Variants in C6orf58 observed in about 807,000 individuals in gnomAD.
C6orf58 encodes the protein protein LEG1 homolog.
C6orf58 carries 30 observed loss-of-function variants against 37.0 expected under a neutral mutation model. That is an observed-to-expected ratio of 0.81 (90% CI 0.61 to 1.10). The LOEUF is 1.10. Among genes scored for constraint, C6orf58 ranks in the 50% least tolerant of loss-of-function variants. The pLI, the probability that C6orf58 is intolerant of heterozygous loss-of-function variation, is 0.00. For synonymous variants in C6orf58, 143 were observed against 134.1 expected, an observed-to-expected ratio of 1.07 and a Z score of -0.46; for missense variants, 368 against 387.5, an observed-to-expected ratio of 0.95 and a Z score of 0.42.
chr6:127,577,347 C>T lies in C6orf58; in HGVS notation c.162C>T (p.Pro54=). The change falls in exon 1 of 6, where the codon CCC becomes CCT. Residue 54 remains proline, a synonymous_variant. Transcript: ENST00000329722. ...RVENSMYIIN[P]WVYLERMGMY... ...AGAACAGCATGTACATTATTAATCC[C>T]TGGGTATACCTTGAGAGAATGGGGA... The T allele has an allele frequency of 6.2e-7, 1 of 1,613,696 alleles. No individual in the cohort carries two copies. The highest frequency in any genetic ancestry group is 8.5e-7 in the Non-Finnish European group (1 of 1,179,704).
At chr6:127,584,115 C>T (rs558620943) in intron 4 of C6orf58, among the ~76,000 whole-genome samples, 1 of 152,292 alleles carries the variant, frequency 6.6e-6, no homozygotes, top group Non-Finnish European at 1.5e-5. Flanking sequence ...CCTATAAGGA[C>T]ATTTTCTAAT....
intron 2 of C6orf58, 71 bp downstream of exon 2, chr6:127,578,843 G>A: frequency 1.8e-6 from 2 of 1,118,192 alleles, no homozygotes; most frequent in South Asian, 1.3e-5. Context: ...TAAAATCTTA[G>A]GGACAGAGAC....
intron 4 of C6orf58, among the ~76,000 whole-genome samples, chr6:127,589,080 G>A (rs947177182): frequency 6.6e-6 from 1 of 152,162 alleles, no homozygotes; most frequent in Non-Finnish European, 1.5e-5. Context: ...AGTACCTTCT[G>A]TTTAATGTAT....
At chr6:127,581,493 A>T (rs543230352) in intron 4 of C6orf58, among the ~76,000 whole-genome samples, 12 of 147,254 alleles carry the variant, frequency 8.1e-5, no homozygotes, top group South Asian at 4.2e-4. Flanking sequence ...TTTTGAGAAA[A>T]AAAAGCCTTG....
chr6:127,580,212 C>T (rs1456895835), intron 2 of C6orf58, 53 bp from the exon 3 acceptor site: 11 of 1,359,256 alleles, frequency 8.1e-6, no homozygotes, highest in South Asian at 2.8e-5. Context: ...TAAAAATATC[C>T]TCTTTGAAAT....
Position 127,577,312 on chromosome 6 carries a change from T to C in C6orf58, c.127T>C (p.Tyr43His), listed in dbSNP as rs1449562670. 21 of 1,613,472 alleles carry C rather than the reference T, an allele frequency of 1.3e-5. No individual in the cohort carries two copies. Among genetic ancestry groups the C allele is most frequent in the Non-Finnish European group, 1.7e-5 (20 of 1,179,596 alleles). Reference protein sequence around the residue: ...WKESPGQLSDYRVENSMYIIN... With the variant: ...WKESPGQLSDHRVENSMYIIN... ...GGAGAGTCCTGGTCAGCTCAGTGAC[T>C]ACAGGGTGGAGAACAGCATGTACAT... Residue 43 changes from tyrosine (Y) to histidine (H), a missense_variant, in exon 1 of 6, where the codon TAC becomes CAC. By Grantham distance (83) the Tyr-to-His change is moderately conservative. Coordinates refer to ENST00000329722, the MANE Select transcript of C6orf58 (RefSeq NM_001010905.3).
rs1439819627 is a variant in C6orf58, at chr6:127,577,211, G to A, written c.26G>A (p.Cys9Tyr). 6.2e-7 allele frequency: 1 copy of A among 1,613,398 alleles called. No individual in the cohort carries two copies. The highest frequency in any genetic ancestry group is 2.2e-5 in the East Asian group (1 of 44,874). The change falls in exon 1 of 6, where the codon TGT (cysteine) becomes TAT (tyrosine). Residue 9 changes from cysteine to tyrosine, a missense_variant. By Grantham distance (194) the Cys-to-Tyr change is radical. Transcript: ENST00000329722. ...ATGGCTTTTCTTCCTTCCTGGGTTT[G>A]TGTACTAGTTGGTTCCTTTTCTGCT... MAFLPSWV[C>Y]VLVGSFSASL...
At position 127,577,342 on chromosome 6, in the gene C6orf58, A is replaced by T. The variant is rs377386546; in HGVS notation, c.157A>T (p.Asn53Tyr). The T allele has an allele frequency of 6.2e-7, 1 of 1,613,558 alleles. No homozygotes were observed. Among genetic ancestry groups the T allele is most frequent in the African/African-American group, 1.3e-5 (1 of 74,898 alleles). Reference sequence around the variant, plus strand: ...GGTGGAGAACAGCATGTACATTATTAATCCCTGGGTATACCTTGAGAGAAT... The same window carrying T: ...GGTGGAGAACAGCATGTACATTATTTATCCCTGGGTATACCTTGAGAGAAT... ...YRVENSMYII[N>Y]PWVYLERMGM... Residue 53 changes from asparagine to tyrosine, a missense_variant, in exon 1 of 6, where the codon AAT becomes TAT. By Grantham distance (143) the Asn-to-Tyr change is moderately radical (BLOSUM62 -2). Transcript: ENST00000329722.
At chr6:127,586,624 C>G (rs1775110170) in intron 4 of C6orf58, among the ~76,000 whole-genome samples, 1 of 152,210 alleles carries the variant, frequency 6.6e-6, no homozygotes, top group Non-Finnish European at 1.5e-5. Context: ...ATTTGGCTGT[C>G]TCAACACTAT....
chr6:127,590,243 C>T lies in C6orf58; in HGVS notation c.831C>T (p.Ala277=). Reference sequence around the variant, plus strand: ...GAATTCTTCTTAATACTGATGTAGCCCCTTTCATCAGTGACTTTACTGCTT... The same window carrying T: ...GAATTCTTCTTAATACTGATGTAGCTCCTTTCATCAGTGACTTTACTGCTT... The part of the protein sequence containing the change: ...PPRILLNTDV[A]PFISDFTAFQ... Residue 277 remains alanine (A), a synonymous_variant, in exon 5 of 6, where the codon GCC becomes GCT. Coordinates refer to ENST00000329722, the MANE Select transcript of C6orf58 (RefSeq NM_001010905.3). 2.5e-6 allele frequency: 4 copies of T among 1,613,280 alleles called. No individual in the cohort carries two copies. Among genetic ancestry groups the T allele is most frequent in the Non-Finnish European group, 3.4e-6 (4 of 1,179,488 alleles).
rs772193047 is a variant in C6orf58, at chr6:127,578,660, A to G, written c.302-26A>G. On this transcript the variant is annotated intron_variant, in intron 1 of 5. Coordinates refer to ENST00000329722, the MANE Select transcript of C6orf58 (RefSeq NM_001010905.3). ...CAGTTTCAAAATGCGTATAATAAAT[A>G]CGACTGTGCATCCTCTCTCCTCCAG... The G allele has an allele frequency of 6.5e-6, 10 of 1,548,572 alleles. No homozygotes were observed. The South Asian group carries it at 1.0e-4, about 16-fold the overall frequency.
intron 4 of C6orf58, among the ~76,000 whole-genome samples, chr6:127,585,984 G>T (rs986819731): frequency 1.3e-5 from 2 of 151,968 alleles, no homozygotes; most frequent in Admixed American, 6.5e-5. Flanking sequence ...CATTTTACCT[G>T]TCTACTTGCA....
At chr6:127,578,347 G>T (rs1279086869) in intron 1 of C6orf58, among the ~76,000 whole-genome samples, 1 of 151,994 alleles carries the variant, frequency 6.6e-6, no homozygotes, top group East Asian at 1.9e-4. Context: ...TAGAGCAGGG[G>T]TTTGTTTTGA....
At chr6:127,585,817 C>G (rs1775101031) in intron 4 of C6orf58, among the ~76,000 whole-genome samples, 1 of 152,056 alleles carries the variant, frequency 6.6e-6, no homozygotes, top group Non-Finnish European at 1.5e-5. Context: ...TTTCACACAC[C>G]TTTTATAACT....
chr6:127,590,034 T>C, intron 4 of C6orf58, 53 bp from the exon 5 acceptor site: 1 of 1,256,338 alleles, frequency 8.0e-7, no homozygotes, highest in Non-Finnish European at 1.1e-6. Context: ...GCAATGAGCT[T>C]GAACTTCTGA....
chr6:127,587,059 C>T (rs1775114387), intron 4 of C6orf58, among the ~76,000 whole-genome samples: 1 of 152,106 alleles, frequency 6.6e-6, no homozygotes, highest in African/African-American at 2.4e-5. Flanking sequence ...CATTATTTTT[C>T]TATTTTCCTC....
At chr6:127,580,573 A>T (rs138945293) in intron 3 of C6orf58, 124 bp downstream of exon 3, 1 of 652,712 alleles carries the variant, frequency 1.5e-6, no homozygotes, top group Non-Finnish European at 2.7e-6. Context: ...GCTATGCATG[A>T]TATATTAATA....
chr6:127,588,661 G>A (rs1179371861), intron 4 of C6orf58, among the ~76,000 whole-genome samples: 1 of 152,042 alleles, frequency 6.6e-6, no homozygotes, highest in East Asian at 1.9e-4. Flanking sequence ...TGATCATTAG[G>A]TGAACTGACC....
rs770089862 is a variant in C6orf58 at position 127,580,307 on chromosome 6, T to A, written c.431T>A (p.Val144Asp). 6.2e-7 allele frequency: 1 copy of A among 1,612,850 alleles called. No individual in the cohort carries two copies. Among genetic ancestry groups the A allele is most frequent in the African/African-American group, 1.3e-5 (1 of 74,866 alleles). ...FLSSLPFLAA[V>D]DSGVMGISSD... is the part of the protein sequence containing the mutation. Reference sequence around the variant, plus strand: ...TCTTCATTACCCTTTCTTGCTGCGGTTGATTCTGGTGTAATGGGGATATCA... The same window carrying A: ...TCTTCATTACCCTTTCTTGCTGCGGATGATTCTGGTGTAATGGGGATATCA... Residue 144 changes from valine (V) to aspartate (D), a missense_variant, in exon 3 of 6, where the codon GTT (valine) becomes GAT (aspartate). Coordinates refer to ENST00000329722, the MANE Select transcript of C6orf58 (RefSeq NM_001010905.3).
Sources: allele counts gnomAD v4.1 joint callset (sites outside exome capture counted in the v4.1 genomes callset), GRCh38; gene constraint gnomAD v4.1.1; transcripts MANE v1.5; gene names NCBI Gene and HGNC (gene_info 2026-07-23, HGNC 2026-07-21).